ZNF430: variants seen among roughly 807,000 people sequenced by gnomAD.
The protein encoded by ZNF430 is zinc finger protein 430.
ZNF430 carries 35 observed loss-of-function variants against 56.7 expected under a neutral mutation model. That is an observed-to-expected ratio of 0.62 (90% CI 0.47 to 0.82). The LOEUF (loss-of-function observed/expected upper bound fraction) is 0.82. Ranked by LOEUF, ZNF430 falls within the 40% of genes least tolerant of loss-of-function variation. The pLI is 0.00. For missense variants in ZNF430, 574 were observed against 661.0 expected (o/e 0.87, Z 1.44); for synonymous variants, 212 against 224.3 (o/e 0.94, Z 0.49).
At chr19:21,032,258 TA>T (rs1967917051) in intron 2 of ZNF430, among the ~76,000 whole-genome samples, 1 of 152,246 alleles carries the variant, frequency 6.6e-6, no homozygotes. Flanking sequence ...TCTAGGGTGC[TA>T]AAGAAAGACT....
chr19:21,044,118 A>G (rs1179121026), intron 4 of ZNF430, among the ~76,000 whole-genome samples: 1 of 151,500 alleles, frequency 6.6e-6, no homozygotes, highest in African/African-American at 2.4e-5. Context: ...TTCCAATACT[A>G]CGTTGAATAA....
intron 4 of ZNF430, chr19:21,034,531 TTTTC>T (rs1035985121): frequency 5.7e-5 from 10 of 176,472 alleles, no homozygotes; most frequent in African/African-American, 2.2e-4. Flanking sequence ...TTCTTTTCTT[TTTTC>T]TTTCTTTTTT....
intron 4 of ZNF430, among the ~76,000 whole-genome samples, chr19:21,037,606 T>C (rs546392210): frequency 3.9e-5 from 6 of 152,342 alleles, no homozygotes; most frequent in African/African-American, 1.4e-4. Flanking sequence ...ATAAAGAGGA[T>C]TGCTGTATTT....
At position 21,035,658 on chromosome 19, in the gene ZNF430, G is replaced by A. The variant is rs113001254; in HGVS notation, c.322+1474G>A. On this transcript the variant is annotated intron_variant, in intron 4 of 4. Coordinates refer to ENST00000261560, the MANE Select transcript of ZNF430 (RefSeq NM_025189.4). ...AAGCTTCTATAAACTGGTTTCAGTA[G>A]GTAAAGATCTTTTTCTGTCATGTCT... is the stretch of plus-strand genomic sequence containing the variant. 7.8e-4 allele frequency: 163 copies of A among 207,670 alleles called. 1 individual carries two copies. The highest frequency in any genetic ancestry group is 3.2e-3 in the African/African-American group (139 of 43,232). 12.9% of individuals were successfully genotyped at this position (207,670 alleles called of 1,614,324 possible).
At chr19:21,044,482 G>T (rs1264576799) in intron 4 of ZNF430, among the ~76,000 whole-genome samples, 1 of 152,110 alleles carries the variant, frequency 6.6e-6, no homozygotes, top group Non-Finnish European at 1.5e-5. Context: ...GATTTGGTTT[G>T]CCAGTGTTTT....
At position 21,059,743 on chromosome 19, in the gene ZNF430, CACATGTGAAA is replaced by C. The variant is rs1376344342; in HGVS notation, c.*1723_*1732del. The C allele has an allele frequency of 3.9e-5, 6 of 151,950 alleles. No homozygotes were observed. Among genetic ancestry groups the C allele is most frequent in the African/African-American group, 9.7e-5 (4 of 41,360 alleles). 9.4% of individuals were successfully genotyped at this position (151,950 alleles called of 1,614,324 possible). On this transcript the variant is annotated 3_prime_UTR_variant, in exon 5 of 5. Coordinates refer to ENST00000261560, the MANE Select transcript of ZNF430 (RefSeq NM_025189.4). Reference sequence around the variant, plus strand: ...ACTGTTTCTTTATTCCAGTTGTATTCACATGTGAAAGCATGTGATCAGTTATTGCTGCATT... The same window carrying C: ...ACTGTTTCTTTATTCCAGTTGTATTCGCATGTGATCAGTTATTGCTGCATT...
At chr19:21,044,554 A>G (rs748519228) in intron 4 of ZNF430, among the ~76,000 whole-genome samples, 1 of 152,006 alleles carries the variant, frequency 6.6e-6, no homozygotes, top group Admixed American at 6.6e-5. Context: ...TGTTGTTGTT[A>G]TATCTTTGCC....
chr19:21,056,010 G>A (rs146219112), intron 4 of ZNF430, among the ~76,000 whole-genome samples: 30 of 152,332 alleles, frequency 2.0e-4, no homozygotes, highest in African/African-American at 7.0e-4. Context: ...CCAAAAGTTG[G>A]CAGTGGGGAG....
chr19:21,043,038 G>A (rs1210266414), intron 4 of ZNF430, among the ~76,000 whole-genome samples: 1 of 86,598 alleles, frequency 1.2e-5, no homozygotes, highest in Non-Finnish European at 2.3e-5. Context: ...AGATGAATAG[G>A]TTGCAAAAAT....
At chr19:21,053,289 T>C (rs1229251008) in intron 4 of ZNF430, 1 of 152,142 alleles carries the variant, frequency 6.6e-6, no homozygotes, top group Non-Finnish European at 1.5e-5. Flanking sequence ...TACACTCTGC[T>C]TCTTTATGTC....
chr19:21,021,356 G>T lies in ZNF430; in HGVS notation c.3+553G>T, dbSNP rs573036731. On this transcript the variant is annotated intron_variant, in intron 1 of 4. Coordinates refer to ENST00000261560, the MANE Select transcript of ZNF430 (RefSeq NM_025189.4). Reference sequence around the variant, plus strand: ...TTTACTAAAAATACAAAAATTTGCCGGGCATGGTGGTACACGCCTGTAGTC... The same window carrying T: ...TTTACTAAAAATACAAAAATTTGCCTGGCATGGTGGTACACGCCTGTAGTC... Among the ~76,000 whole-genome samples, 4 of 152,054 alleles carry T rather than the reference G, an allele frequency of 2.6e-5. No individual in the cohort carries two copies. In the East Asian group the frequency reaches 7.8e-4, roughly 30 times the overall value.
chr19:21,045,962 A>G (rs950035941), intron 4 of ZNF430, among the ~76,000 whole-genome samples: 3 of 152,130 alleles, frequency 2.0e-5, no homozygotes, highest in South Asian at 2.1e-4. Context: ...TGGCACACCA[A>G]TGGGTCTTGA....
intron 2 of ZNF430, among the ~76,000 whole-genome samples, chr19:21,026,462 C>T (rs1335620172): frequency 4.6e-5 from 7 of 152,296 alleles, no homozygotes; most frequent in Admixed American, 2.0e-4. Flanking sequence ...GCTGGGGTTA[C>T]AGGCGTGAGC....
At position 21,059,172 on chromosome 19, in the gene ZNF430, G is replaced by A. The variant is rs1020488380; in HGVS notation, c.*1151G>A. The A allele has an allele frequency of 6.6e-6, 1 of 152,144 alleles. No individual in the cohort carries two copies. Among genetic ancestry groups the A allele is most frequent in the South Asian group, 2.1e-4 (1 of 4,830 alleles). The allele number at this position is 152,144 out of a possible 1,614,324, so 9.4% of individuals were successfully genotyped here. A position where few individuals can be genotyped will look rare whatever the true frequency, so the allele number is the denominator to read the frequency against. On this transcript the variant is annotated 3_prime_UTR_variant, in exon 5 of 5. Coordinates refer to ENST00000261560, the MANE Select transcript of ZNF430 (RefSeq NM_025189.4). ...CAAAATTAAGTCTATGTAAATATCAGAGAATTTACTGTAGAAATATATAAG... is the reference window on the plus strand; with the variant it reads ...CAAAATTAAGTCTATGTAAATATCAAAGAATTTACTGTAGAAATATATAAG...
chr19:21,023,196 G>A (rs919763945), intron 2 of ZNF430, among the ~76,000 whole-genome samples: 1 of 152,140 alleles, frequency 6.6e-6, no homozygotes, highest in African/African-American at 2.4e-5. Context: ...GGCATAGTGT[G>A]GTATCTCCTG....
intron 2 of ZNF430, among the ~76,000 whole-genome samples, chr19:21,031,784 GTGCACTC>G (rs1017954746): frequency 3.9e-5 from 6 of 152,104 alleles, no homozygotes; most frequent in African/African-American, 1.4e-4. Flanking sequence ...GAAGAGCTGT[GTGCACTC>G]TGCTTCATGG....
rs769236148 is a variant in ZNF430 at position 21,057,531 on chromosome 19, A to T, written c.1223A>T (p.Lys408Ile). The change falls in exon 5 of 5, where the codon AAA (lysine) becomes ATA (isoleucine). Residue 408 changes from lysine (K) to isoleucine (I), a missense_variant. This residue lies in a region of ZNF430 where 213 missense variants were observed against 221.0 expected (regional missense o/e 0.96). Transcript: ENST00000261560. ...TTCTACAAATGTGAAGAATGTGGCAAAGGCTTTAATTGGTCCTCGACCCTT... is the reference window on the plus strand; with the variant it reads ...TTCTACAAATGTGAAGAATGTGGCATAGGCTTTAATTGGTCCTCGACCCTT... Reference protein sequence around the residue: ...EKFYKCEECGKGFNWSSTLTK... With the variant: ...EKFYKCEECGIGFNWSSTLTK... 2.7e-5 allele frequency: 43 copies of T among 1,613,290 alleles called. No homozygotes were observed. The highest frequency in any genetic ancestry group is 3.5e-5 in the Non-Finnish European group (41 of 1,179,938).
chr19:21,023,304 G>T (rs548952636), intron 2 of ZNF430, among the ~76,000 whole-genome samples: 15 of 152,210 alleles, frequency 9.9e-5, no homozygotes, highest in Admixed American at 9.8e-4. Context: ...AGACACATCT[G>T]TTTTTTCATC....
chr19:21,035,332 G>GT (rs1967976523), intron 4 of ZNF430: 1 of 151,884 alleles, frequency 6.6e-6, no homozygotes, highest in Non-Finnish European at 1.5e-5. Context: ...TTCTTTCTCT[G>GT]TTAAAGTGTA....
Sources: allele counts gnomAD v4.1 joint callset (sites outside exome capture counted in the v4.1 genomes callset), GRCh38; gene constraint gnomAD v4.1.1; regional missense constraint gnomAD v4.1.1; transcripts MANE v1.5; gene names NCBI Gene and HGNC (gene_info 2026-07-23, HGNC 2026-07-21).